The following RERE variants were observed in gnomAD, a reference collection of about 807,000 sequenced individuals.
RERE encodes arginine-glutamic acid dipeptide repeats protein.
A neutral mutation model predicts 146.1 loss-of-function variants in RERE; 40 were observed. That is an observed-to-expected ratio of 0.27 (90% confidence interval 0.21 to 0.36). RERE has a LOEUF of 0.36. RERE is among the 10% of genes least tolerant of loss of function. The pLI, the probability that RERE is intolerant of heterozygous loss-of-function variation, is 1.00. For synonymous variants in RERE, 1,003 were observed against 866.0 expected (o/e 1.16, Z -2.78); for missense variants, 1,933 against 2,138.7 (o/e 0.90, Z 1.90).
At chr1:8,416,598 A>AAAAAAAAAAG (rs1419532157) in intron 12 of RERE, among the ~76,000 whole-genome samples, 1 of 147,684 alleles carries the variant, frequency 6.8e-6, no homozygotes, top group South Asian at 2.1e-4. Context: ...AAAAAAAAAA[A>AAAAAAAAAAG]AAAAGAAAAG....
intron 1 of RERE, among the ~76,000 whole-genome samples, chr1:8,759,595 A>G (rs1193855104): frequency 6.6e-6 from 1 of 152,236 alleles, no homozygotes; most frequent in African/African-American, 2.4e-5. Context: ...GGTTTAGCAC[A>G]GTTTTTAAAA....
Position 8,361,399 on chromosome 1 carries a change from T to A in RERE, c.2108A>T (p.Asp703Val). 1 of 1,613,824 alleles carries A rather than the reference T, an allele frequency of 6.2e-7. No individual in the cohort carries two copies. Among genetic ancestry groups the A allele is most frequent in the Non-Finnish European group, 8.5e-7 (1 of 1,179,862 alleles). Residue 703 changes from aspartate to valine, a missense_variant, in exon 18 of 23, where the codon GAC becomes GTC. Around this residue, in one of 11 missense-constraint regions of RERE, gnomAD observed 1,255 missense variants for 1,153.8 expected, o/e 1.09. Transcript: ENST00000400908. ...VNDEGSSDPK[D>V]IDQDNRSTSP... ...CGTGCTGCGATTGTCCTGGTCGATG[T>A]CTTTGGGGTCACTGCTACCCTCATC...
intron 4 of RERE, among the ~76,000 whole-genome samples, chr1:8,586,795 A>G (rs1646433190): frequency 2.4e-5 from 1 of 42,190 alleles, no homozygotes. Flanking sequence ...AAATTAGAAA[A>G]TGTATGTTAA....
chr1:8,670,530 T>C (rs1335486864), intron 1 of RERE, among the ~76,000 whole-genome samples: 1 of 152,068 alleles, frequency 6.6e-6, no homozygotes, highest in Non-Finnish European at 1.5e-5. Context: ...AGATGTGCTA[T>C]AGAAAAAAAA....
chr1:8,384,605 ATAT>A, intron 12 of RERE, among the ~76,000 whole-genome samples: 1 of 152,334 alleles, frequency 6.6e-6, no homozygotes. Flanking sequence ...GAACTGATGA[ATAT>A]CACTTAAAAA....
chr1:8,647,044 C>T (rs757978527), intron 2 of RERE, among the ~76,000 whole-genome samples: 7 of 152,186 alleles, frequency 4.6e-5, no homozygotes, highest in Non-Finnish European at 7.3e-5. Flanking sequence ...AATGATCATG[C>T]CATAGCACAC....
chr1:8,362,911 A>C (rs1044703500), intron 15 of RERE, 67 bp from the exon 16 acceptor site: 1 of 1,546,838 alleles, frequency 6.5e-7, no homozygotes, highest in African/African-American at 1.4e-5. Flanking sequence ...ACCTGAGCCC[A>C]ACCCACAGGC....
intron 2 of RERE, among the ~76,000 whole-genome samples, chr1:8,632,903 C>T (rs150657536): frequency 2.0e-5 from 3 of 152,038 alleles, no homozygotes; most frequent in East Asian, 1.9e-4. Context: ...TCTACTAATA[C>T]GGATTTTTTT....
chr1:8,393,576 A>C (rs924010610), intron 12 of RERE, among the ~76,000 whole-genome samples: 1 of 152,228 alleles, frequency 6.6e-6, no homozygotes, highest in African/African-American at 2.4e-5. Context: ...AATAATACAC[A>C]GTGTTCATAA....
At chr1:8,691,644 C>A (rs1159211480) in intron 1 of RERE, among the ~76,000 whole-genome samples, 1 of 152,148 alleles carries the variant, frequency 6.6e-6, no homozygotes, top group Non-Finnish European at 1.5e-5. Context: ...GGAGAAAGAT[C>A]ATATATTACA....
chr1:8,600,903 C>T (rs1368510824), intron 4 of RERE, among the ~76,000 whole-genome samples: 1 of 151,602 alleles, frequency 6.6e-6, no homozygotes, highest in East Asian at 1.9e-4. Flanking sequence ...TACAGGTGCC[C>T]GCCACCATGC....
At chr1:8,465,651 T>A (rs918244342) in intron 11 of RERE, 2 of 518,102 alleles carry the variant, frequency 3.9e-6, no homozygotes, top group African/African-American at 3.9e-5. Context: ...CAAGTTCAAA[T>A]TAACTTTTTT....
intron 4 of RERE, among the ~76,000 whole-genome samples, chr1:8,608,885 C>T (rs1646755594): frequency 6.6e-6 from 1 of 152,108 alleles, no homozygotes; most frequent in Admixed American, 6.6e-5. Flanking sequence ...CAGTTTGAGA[C>T]CAGCCTGGCC....
chr1:8,363,968 C>G (rs770379740), intron 15 of RERE, 88 bp downstream of exon 15: 3 of 1,233,742 alleles, frequency 2.4e-6, no homozygotes, highest in Non-Finnish European at 3.5e-6. Context: ...ACAAGACTTT[C>G]GCTTCCTCCC....
chr1:8,386,248 A>G (rs561342681), intron 12 of RERE, among the ~76,000 whole-genome samples: 1 of 151,322 alleles, frequency 6.6e-6, no homozygotes, highest in South Asian at 2.1e-4. Context: ...AGAGACCAAA[A>G]ATAAAAAAAT....
intron 1 of RERE, among the ~76,000 whole-genome samples, chr1:8,762,198 T>C (rs898022071): frequency 6.6e-6 from 1 of 152,180 alleles, no homozygotes; most frequent in African/African-American, 2.4e-5. Context: ...AGTACCTCAC[T>C]TGACCCTTAC....
chr1:8,604,622 G>GGAAAGA (rs1646677707), intron 4 of RERE, among the ~76,000 whole-genome samples: 1 of 46,466 alleles, frequency 2.2e-5, no homozygotes, highest in Non-Finnish European at 4.2e-5. Context: ...GGGAGGGAGG[G>GGAAAGA]AGGAAGGAAG....
At chr1:8,725,030 T>C (rs1639933667) in intron 1 of RERE, among the ~76,000 whole-genome samples, 1 of 152,192 alleles carries the variant, frequency 6.6e-6, no homozygotes, top group African/African-American at 2.4e-5. Flanking sequence ...GTAGTGTATA[T>C]TTTGAAAACA....
At position 8,407,230 on chromosome 1, in the gene RERE, T is replaced by C. The variant is rs543684026; in HGVS notation, c.1284+15497A>G. On this transcript the variant is annotated intron_variant, in intron 12 of 22. Coordinates refer to ENST00000400908, the MANE Select transcript of RERE (RefSeq NM_001042681.2). ...GGAATTCTCTTTTTGTGTGACAGAA[T>C]TGTGACAGGCTCCCAGGACCTAAAC... 1.2e-4 allele frequency among the ~76,000 whole-genome samples: 19 copies of C among 152,266 alleles called. 1 individual carries two copies. Among genetic ancestry groups the C allele is most frequent in the Admixed American group, 1.0e-3 (16 of 15,302 alleles).
Sources: gnomAD v4.1 joint callset for allele counts (sites outside exome capture counted in the v4.1 genomes callset) on GRCh38, gnomAD v4.1.1 for gene constraint, gnomAD v4.1.1 regional missense constraint, MANE v1.5 for transcripts, NCBI Gene and HGNC (gene_info 2026-07-23, HGNC 2026-07-21) for gene names.